The following TRA2A variants were observed in gnomAD, a reference collection of about 807,000 sequenced individuals.
TRA2A encodes transformer-2 protein homolog alpha.
Under a neutral mutation model 45.7 loss-of-function variants are expected in TRA2A, and 31 were observed. The ratio of observed to expected loss-of-function variants is 0.68; its 90% confidence interval spans 0.51 to 0.92. The LOEUF (loss-of-function observed/expected upper bound fraction) is 0.92, where lower values mean the gene tolerates loss of function less well. Ranked by LOEUF, TRA2A falls within the 40% of genes least tolerant of loss-of-function variation. The probability of loss-of-function intolerance (pLI) is 0.00; values close to 1 mark genes in which losing one functional copy is unlikely to be tolerated. For missense variants in TRA2A, 304 were observed against 367.5 expected (o/e 0.83, Z 1.41); for synonymous variants, 132 against 126.2 (o/e 1.05, Z -0.31).
At chr7:23,518,325 A>T (rs1789979500) in intron 2 of TRA2A, among the ~76,000 whole-genome samples, 1 of 150,752 alleles carries the variant, frequency 6.6e-6, no homozygotes, top group Non-Finnish European at 1.5e-5. Context: ...CAACCACCTA[A>T]ATGCCCATCA....
chr7:23,521,761 G>A lies in TRA2A; in HGVS notation c.116C>T (p.Pro39Leu), dbSNP rs1790147284. 1 of 1,614,092 alleles carries A rather than the reference G, an allele frequency of 6.2e-7. No individual in the cohort carries two copies. Among genetic ancestry groups the A allele is most frequent in the East Asian group, 2.2e-5 (1 of 44,882 alleles). Residue 39 changes from proline to leucine, a missense_variant, in exon 2 of 8, where the codon CCA (proline) becomes CTA (leucine). Around this residue, in one of 3 missense-constraint regions of TRA2A, gnomAD observed 132 missense variants for 113.4 expected, o/e 1.16. Coordinates refer to ENST00000297071, the MANE Select transcript of TRA2A (RefSeq NM_013293.5). The part of the protein sequence containing the change: ...KSESRSGSRS[P>L]SRVSKHSESH... ...TTCAGAGTGTTTGGAAACCCTTGAT[G>A]GACTACGAGATCCTGACCTGCTCTC...
rs918283530 is a variant in TRA2A at position 23,531,656 on chromosome 7, G to A, written c.36+133C>T. 20 of 904,644 alleles carry A rather than the reference G, an allele frequency of 2.2e-5. No homozygotes were observed. The African/African-American group carries it at 3.0e-4, about 13-fold the overall frequency. 56.0% of individuals were successfully genotyped at this position (904,644 alleles called of 1,614,324 possible). A position where few individuals can be genotyped will look rare whatever the true frequency, so the allele number is the denominator to read the frequency against. On this transcript the variant is annotated intron_variant, in intron 1 of 7. Coordinates refer to ENST00000297071, the MANE Select transcript of TRA2A (RefSeq NM_013293.5). ...GAACCCAGAAGCCATCTTGGGATGG[G>A]AGGAATCAATCGCGATGGCTCCAGA...
At chr7:23,531,235 C>A in intron 1 of TRA2A, 1 of 987,084 alleles carries the variant, frequency 1.0e-6, no homozygotes, top group Non-Finnish European at 1.2e-6. Flanking sequence ...TTTTTAGACG[C>A]AACGCCGCCG....
chr7:23,515,790 C>T (rs186173217), intron 3 of TRA2A, among the ~76,000 whole-genome samples: 1 of 151,724 alleles, frequency 6.6e-6, no homozygotes, highest in Non-Finnish European at 1.5e-5. Flanking sequence ...AGGTGACCCA[C>T]ACCCTTTGGC....
chr7:23,513,151 G>C, intron 3 of TRA2A, 69 bp from the exon 4 acceptor site: 1 of 1,103,510 alleles, frequency 9.1e-7, no homozygotes, highest in Non-Finnish European at 1.3e-6. Flanking sequence ...GAAATACTTT[G>C]TTTAGAACAC....
chr7:23,521,833 C>A lies in TRA2A; in HGVS notation c.44G>T (p.Arg15Leu). 1.2e-6 allele frequency: 2 copies of A among 1,613,936 alleles called. No homozygotes were observed. Among genetic ancestry groups the A allele is most frequent in the South Asian group, 1.1e-5 (1 of 91,070 alleles). ...EENNFEGRES[R>L]SQSKSPTGTP... ...TCCCGTTGGAGATTTTGACTGAGAG[C>A]GAGACTCCTAACAAAGAAGACAGTA... The change falls in exon 2 of 8, where the codon CGC (arginine) becomes CTC (leucine). Residue 15 changes from arginine (R) to leucine (L), a missense_variant. By Grantham distance (102) the Arg-to-Leu change is moderately radical. This residue lies in a region of TRA2A where 132 missense variants were observed against 113.4 expected (regional missense o/e 1.16). Coordinates refer to ENST00000297071, the MANE Select transcript of TRA2A (RefSeq NM_013293.5).
intron 4 of TRA2A, among the ~76,000 whole-genome samples, chr7:23,511,099 C>T (rs1018184103): frequency 1.3e-5 from 2 of 151,904 alleles, no homozygotes; most frequent in African/African-American, 2.4e-5. Flanking sequence ...TGGCCAGGCG[C>T]GGTGGCTCAC....
Position 23,509,638 on chromosome 7 carries a change from A to C in TRA2A, c.526-2103T>G, listed in dbSNP as rs1044204447. Among the ~76,000 whole-genome samples, 8 of 152,006 alleles carry C rather than the reference A, an allele frequency of 5.3e-5. No individual in the cohort carries two copies. In the South Asian group the frequency reaches 8.3e-4, roughly 16 times the overall value. On this transcript the variant is annotated intron_variant, in intron 4 of 7. Transcript: ENST00000297071. ...ATAGTCCTAGCTACTCGGGAGGCAGAGGCAGAATTGCTTGAACCCGGGAGG... is the reference window on the plus strand; with the variant it reads ...ATAGTCCTAGCTACTCGGGAGGCAGCGGCAGAATTGCTTGAACCCGGGAGG...
At chr7:23,517,819 C>T (rs62468820) in intron 2 of TRA2A, among the ~76,000 whole-genome samples, 16 of 151,434 alleles carry the variant, frequency 1.1e-4, no homozygotes, top group African/African-American at 3.6e-4. Flanking sequence ...GGCTGAGGCA[C>T]GAGAATCACT....
intron 4 of TRA2A, among the ~76,000 whole-genome samples, chr7:23,510,004 C>T (rs980007872): frequency 4.7e-4 from 71 of 152,162 alleles, no homozygotes; most frequent in Middle Eastern, 6.8e-3. Context: ...CCAGCCTAGG[C>T]GACAGGGCAA....
chr7:23,522,065 A>T, intron 1 of TRA2A: 1 of 1,368,164 alleles, frequency 7.3e-7, no homozygotes, highest in Non-Finnish European at 9.4e-7. Context: ...TTAACTAAGT[A>T]ATCATGCAAA....
chr7:23,519,869 A>C (rs1184419921), intron 2 of TRA2A, among the ~76,000 whole-genome samples: 1 of 152,238 alleles, frequency 6.6e-6, no homozygotes, highest in African/African-American at 2.4e-5. Context: ...GAAGAAAAAA[A>C]AGTAAGAAAA....
chr7:23,518,738 G>A (rs1790001985), intron 2 of TRA2A, among the ~76,000 whole-genome samples: 1 of 150,002 alleles, frequency 6.7e-6, no homozygotes, highest in African/African-American at 2.5e-5. Context: ...ACTGGAGTGT[G>A]CAGTGGCCTG....
chr7:23,531,424 C>T (rs953757715), intron 1 of TRA2A: 22 of 330,662 alleles, frequency 6.7e-5, no homozygotes, highest in African/African-American at 4.1e-4. Context: ...TACCACTATC[C>T]GGACGGAGGG....
At chr7:23,521,520 A>T (rs999170160) in intron 2 of TRA2A, among the ~76,000 whole-genome samples, 187 bp downstream of exon 2, 2 of 152,186 alleles carry the variant, frequency 1.3e-5, no homozygotes, top group African/African-American at 4.8e-5. Flanking sequence ...TGCAGCCTGG[A>T]ACTCCTGGGC....
At chr7:23,526,298 T>A (rs1320086378) in intron 1 of TRA2A, among the ~76,000 whole-genome samples, 1 of 152,194 alleles carries the variant, frequency 6.6e-6, no homozygotes, top group Non-Finnish European at 1.5e-5. Flanking sequence ...TACTCTAACA[T>A]TAAGGCCAGG....
intron 1 of TRA2A, among the ~76,000 whole-genome samples, chr7:23,523,548 C>T (rs529433860): frequency 6.6e-6 from 1 of 152,304 alleles, no homozygotes; most frequent in Non-Finnish European, 1.5e-5. Flanking sequence ...TCCTTTGCTT[C>T]AAGTTTAATG....
rs1460037739 is a variant in TRA2A at position 23,531,504 on chromosome 7, CTCAG to C, written c.36+281_36+284del. The stretch of plus-strand genomic sequence containing the variant: ...CACCTCGGAGCAGACATAAGGAAGC[CTCAG>C]GGGTGGGGAGAAGGGAGGAAGCAAT... On this transcript the variant is annotated intron_variant, in intron 1 of 7. Coordinates refer to ENST00000297071, the MANE Select transcript of TRA2A (RefSeq NM_013293.5). 9.2e-6 allele frequency: 5 copies of C among 544,424 alleles called. No homozygotes were observed. In the African/African-American group the frequency reaches 9.6e-5, roughly 10 times the overall value. The allele number at this position is 544,424 out of a possible 1,614,324, so 33.7% of individuals were successfully genotyped here. A position where few individuals can be genotyped will look rare whatever the true frequency, so the allele number is the denominator to read the frequency against.
At chr7:23,519,859 G>T (rs1192324911) in intron 2 of TRA2A, among the ~76,000 whole-genome samples, 2 of 151,830 alleles carry the variant, frequency 1.3e-5, no homozygotes, top group African/African-American at 4.8e-5. Context: ...TTTTTAAAAT[G>T]AAGAAAAAAA....
Sources: allele counts gnomAD v4.1 joint callset (sites outside exome capture counted in the v4.1 genomes callset), GRCh38; gene constraint gnomAD v4.1.1; regional missense constraint gnomAD v4.1.1; transcripts MANE v1.5; gene names NCBI Gene and HGNC (gene_info 2026-07-23, HGNC 2026-07-21).